Variants in ATP10B observed in about 807,000 individuals in gnomAD.
ATP10B encodes phospholipid-transporting ATPase VB.
In ATP10B, 122 loss-of-function variants were observed where a neutral mutation model predicts 141.2. The observed-to-expected ratio is 0.86, with a 90% CI of 0.75 to 1.00. The LOEUF is 1.00. ATP10B is among the 50% of genes least tolerant of loss of function. The pLI is 0.00. For missense variants in ATP10B, 1,876 were observed against 1,825.3 expected (o/e 1.03, Z -0.51); for synonymous variants, 685 against 692.0 (o/e 0.99, Z 0.16).
intron 18 of ATP10B, among the ~76,000 whole-genome samples, chr5:160,608,589 C>G (rs1270353826): frequency 1.3e-5 from 2 of 152,110 alleles, no homozygotes; most frequent in African/African-American, 4.8e-5. Context: ...TCTCTAGCAC[C>G]TGTTGTTTCC....
chr5:160,840,802 G>A (rs1006145698), intron 1 of ATP10B, among the ~76,000 whole-genome samples: 3 of 151,924 alleles, frequency 2.0e-5, no homozygotes, highest in Non-Finnish European at 4.4e-5. Flanking sequence ...AAAAAGAGAG[G>A]CAATTTATAA....
intron 3 of ATP10B, among the ~76,000 whole-genome samples, chr5:160,694,801 A>G (rs1032530026): frequency 2.5e-4 from 38 of 152,336 alleles, no homozygotes; most frequent in African/African-American, 7.9e-4. Context: ...CTGAGCTTAC[A>G]TTAGGTGTCT....
chr5:160,796,363 C>T (rs755320271), intron 1 of ATP10B, among the ~76,000 whole-genome samples: 3 of 152,154 alleles, frequency 2.0e-5, no homozygotes, highest in South Asian at 2.1e-4. Context: ...TTACTACGAA[C>T]GTTGTGAAAA....
At chr5:160,818,650 T>A (rs959699426) in intron 1 of ATP10B, among the ~76,000 whole-genome samples, 1 of 152,236 alleles carries the variant, frequency 6.6e-6, no homozygotes, top group South Asian at 2.1e-4. Flanking sequence ...CATTACTGGG[T>A]ATATACCCAA....
chr5:160,889,270 C>A, the ATP10B span, among the ~76,000 whole-genome samples: 5 of 152,168 alleles, frequency 3.3e-5, no homozygotes, highest in African/African-American at 9.7e-5. Flanking sequence ...GAGGGTTTAA[C>A]CTCTACCAGG....
At chr5:160,651,808 C>G (rs1409160757) in intron 7 of ATP10B, among the ~76,000 whole-genome samples, 1 of 152,064 alleles carries the variant, frequency 6.6e-6, no homozygotes, top group South Asian at 2.1e-4. Context: ...AAAATATGGC[C>G]CTTTTCCCTC....
chr5:160,608,557 G>A (rs937187916), intron 18 of ATP10B, among the ~76,000 whole-genome samples: 2 of 152,148 alleles, frequency 1.3e-5, no homozygotes, highest in Non-Finnish European at 2.9e-5. Flanking sequence ...TAGTGTAAAA[G>A]CATTCCAAAT....
At chr5:160,817,257 T>C (rs868176676) in intron 1 of ATP10B, among the ~76,000 whole-genome samples, 13 of 152,118 alleles carry the variant, frequency 8.5e-5, no homozygotes, top group South Asian at 2.1e-4. Context: ...GAAAACTCCA[T>C]TGTCTCAGCC....
the ATP10B span, among the ~76,000 whole-genome samples, chr5:160,910,209 T>C: frequency 1.3e-5 from 2 of 152,252 alleles, no homozygotes; most frequent in East Asian, 3.9e-4. Flanking sequence ...TGCTCCCCTA[T>C]CCTTTTCAAG....
chr5:160,856,272 A>G (rs1487283897), upstream of ATP10B, among the ~76,000 whole-genome samples: 1 of 151,782 alleles, frequency 6.6e-6, no homozygotes, highest in Non-Finnish European at 1.5e-5. Flanking sequence ...AGTTTTTAGC[A>G]TATGAGTCCT....
rs543971523 is a variant in ATP10B, at chr5:160,655,766, T to C, written c.676-6510A>G. Among the ~76,000 whole-genome samples, 8 of 152,310 alleles carry C rather than the reference T, an allele frequency of 5.3e-5. No individual in the cohort carries two copies. The South Asian group carries it at 1.7e-3, about 32-fold the overall frequency. On this transcript the variant is annotated intron_variant, in intron 7 of 25. Transcript: ENST00000327245. Reference sequence around the variant, plus strand: ...GTCTAGTCTTCCGTTCATTCATGCGTGCATTCAAGCTTTTATTTACTATCT... The same window carrying C: ...GTCTAGTCTTCCGTTCATTCATGCGCGCATTCAAGCTTTTATTTACTATCT...
rs1018877135 is a variant in ATP10B, at chr5:160,563,810, G to A, written c.*1643C>T. On this transcript the variant is annotated 3_prime_UTR_variant, in exon 26 of 26. Transcript: ENST00000327245. Reference sequence around the variant, plus strand: ...AAGTTTTGACTCAATCCCCTCACTGGAAACAATTCACATCATCATCACTTT... The same window carrying A: ...AAGTTTTGACTCAATCCCCTCACTGAAAACAATTCACATCATCATCACTTT... 1.9e-4 allele frequency: 29 copies of A among 152,146 alleles called. No individual in the cohort carries two copies. Among genetic ancestry groups the A allele is most frequent in the African/African-American group, 7.0e-4 (29 of 41,428 alleles). The allele number at this position is 152,146 out of a possible 1,614,324, so 9.4% of individuals were successfully genotyped here. A position where few individuals can be genotyped will look rare whatever the true frequency, so the allele number is the denominator to read the frequency against.
intron 24 of ATP10B, among the ~76,000 whole-genome samples, chr5:160,584,988 G>A (rs1479255527): frequency 6.6e-6 from 1 of 152,070 alleles, no homozygotes; most frequent in African/African-American, 2.4e-5. Context: ...GCCTCTGTAT[G>A]TTTTATATTA....
At chr5:160,778,715 C>A (rs1269342292) in intron 2 of ATP10B, among the ~76,000 whole-genome samples, 1 of 152,164 alleles carries the variant, frequency 6.6e-6, no homozygotes, top group Non-Finnish European at 1.5e-5. Flanking sequence ...TACATATACA[C>A]ATAGTAAGGG....
Position 160,688,850 on chromosome 5 carries a change from G to T in ATP10B, c.-111C>A. The stretch of plus-strand genomic sequence containing the variant: ...TTTGTCCATGAGGTGACTGGGCTGT[G>T]CTACTGTCCAGTCAGCTGGCTTTTC... On this transcript the variant is annotated 5_prime_UTR_variant, in exon 4 of 26. Transcript: ENST00000327245. 2.0e-6 allele frequency: 2 copies of T among 985,224 alleles called. No individual in the cohort carries two copies. Among genetic ancestry groups the T allele is most frequent in the Non-Finnish European group, 2.4e-6 (2 of 829,768 alleles). The allele number at this position is 985,224 out of a possible 1,614,324, so 61.0% of individuals were successfully genotyped here.
At chr5:160,657,925 T>C (rs1159240292) in intron 7 of ATP10B, among the ~76,000 whole-genome samples, 12 of 152,244 alleles carry the variant, frequency 7.9e-5, no homozygotes, top group Non-Finnish European at 1.5e-5. Flanking sequence ...AGATGGCCAG[T>C]GGCACCTTAA....
chr5:160,776,085 A>G (rs904684705), intron 2 of ATP10B, among the ~76,000 whole-genome samples: 6 of 152,174 alleles, frequency 3.9e-5, no homozygotes, highest in African/African-American at 1.2e-4. Context: ...CATTTTAACT[A>G]GGTGTCTTGG....
chr5:160,754,875 TTTTA>T (rs1318076683), intron 2 of ATP10B, among the ~76,000 whole-genome samples: 4 of 152,182 alleles, frequency 2.6e-5, no homozygotes, highest in South Asian at 2.1e-4. Flanking sequence ...ATGTGTCACC[TTTTA>T]TTTATTTCAT....
intron 1 of ATP10B, among the ~76,000 whole-genome samples, chr5:160,812,024 G>GAC (rs1158531243): frequency 0.069 from 1,416 of 20,450 alleles, 6 homozygotes; most frequent in Middle Eastern, 0.13. Context: ...CAGAGACAGA[G>GAC]AGAGAGAGAG....
Sources: allele counts gnomAD v4.1 joint callset (sites outside exome capture counted in the v4.1 genomes callset), GRCh38; gene constraint gnomAD v4.1.1; transcripts MANE v1.5; gene names NCBI Gene and HGNC (gene_info 2026-07-23, HGNC 2026-07-21).